The following DPP10 variants were observed in gnomAD, a reference collection of about 807,000 sequenced individuals.
DPP10 encodes dipeptidyl peptidase like 10, also known as inactive dipeptidyl peptidase 10.
A neutral mutation model predicts 120.9 loss-of-function variants in DPP10; 33 were observed. The observed-to-expected ratio is 0.27, with a 90% confidence interval of 0.21 to 0.37. The LOEUF is 0.37. Ranked by LOEUF, DPP10 falls within the 10% of genes least tolerant of loss-of-function variation. DPP10 has a pLI of 1.00. For missense variants in DPP10, 816 were observed against 942.8 expected, an observed-to-expected ratio of 0.87 and a Z score of 1.76; for synonymous variants, 337 against 326.1, an observed-to-expected ratio of 1.03 and a Z score of -0.36.
chr2:115,778,307 G>A (rs13393670), intron 15 of DPP10, among the ~76,000 whole-genome samples: 3,236 of 152,178 alleles, frequency 0.021, 114 homozygotes, highest in African/African-American at 0.069. Context: ...ATAAAACCCA[G>A]TGAGATTGTT....
chr2:114,919,710 C>A (rs1218849174), intron 1 of DPP10, among the ~76,000 whole-genome samples: 1 of 152,124 alleles, frequency 6.6e-6, no homozygotes, highest in East Asian at 1.9e-4. Flanking sequence ...TTTCACTGGT[C>A]TTCAATAACT....
At chr2:114,604,715 C>T (rs1310985542) in intron 1 of DPP10, among the ~76,000 whole-genome samples, 1 of 152,254 alleles carries the variant, frequency 6.6e-6, no homozygotes. Flanking sequence ...GTTTGGATGA[C>T]TTCTGCACTG....
intron 1 of DPP10, among the ~76,000 whole-genome samples, chr2:114,849,001 C>CT (rs1186070453): frequency 6.6e-6 from 1 of 152,124 alleles, no homozygotes; most frequent in Non-Finnish European, 1.5e-5. Context: ...TCTGGGGCCT[C>CT]TTTTATAAGG....
intron 2 of DPP10, among the ~76,000 whole-genome samples, chr2:115,343,184 A>G (rs940432819): frequency 1.3e-5 from 2 of 152,230 alleles, no homozygotes; most frequent in African/African-American, 4.8e-5. Flanking sequence ...TTTGGAATGT[A>G]GAAAGAGGAA....
At chr2:114,983,760 T>A (rs1330375270) in intron 1 of DPP10, among the ~76,000 whole-genome samples, 1 of 152,204 alleles carries the variant, frequency 6.6e-6, no homozygotes, top group Non-Finnish European at 1.5e-5. Flanking sequence ...AAGCACTTTT[T>A]AAATTGTCTC....
intron 3 of DPP10, among the ~76,000 whole-genome samples, chr2:115,422,445 A>G (rs573240166): frequency 1.3e-5 from 2 of 152,308 alleles, no homozygotes; most frequent in Admixed American, 6.5e-5. Context: ...TGTGACAAGA[A>G]CATGCATCAT....
At chr2:115,133,113 GTA>G (rs1341189980) in intron 1 of DPP10, among the ~76,000 whole-genome samples, 42 of 69,052 alleles carry the variant, frequency 6.1e-4, no homozygotes, top group Non-Finnish European at 1.2e-3. Context: ...ATATGTATAT[GTA>G]TGTGTGTGTG....
chr2:115,561,215 C>T (rs917357992), intron 5 of DPP10, among the ~76,000 whole-genome samples: 14 of 151,678 alleles, frequency 9.2e-5, no homozygotes, highest in East Asian at 1.9e-4. Context: ...AAAAATTAGC[C>T]GGGCTTGGTG....
chr2:115,329,868 G>C (rs1422554790), intron 2 of DPP10, among the ~76,000 whole-genome samples: 1 of 152,154 alleles, frequency 6.6e-6, no homozygotes, highest in Admixed American at 6.6e-5. Context: ...CCAAGTCTTT[G>C]CTATTGTGAA....
chr2:115,211,143 A>G (rs1002286361), intron 1 of DPP10, among the ~76,000 whole-genome samples: 17 of 152,010 alleles, frequency 1.1e-4, no homozygotes, highest in Non-Finnish European at 2.2e-4. Flanking sequence ...AAAATATTTA[A>G]TTATTATTTT....
chr2:114,530,238 T>A (rs545078448), intron 1 of DPP10, among the ~76,000 whole-genome samples: 1 of 152,316 alleles, frequency 6.6e-6, no homozygotes, highest in South Asian at 2.1e-4. Context: ...TGTGGAAGGA[T>A]GTTCTGTGCC....
At chr2:115,804,062 G>A (rs1026559106) in intron 19 of DPP10, among the ~76,000 whole-genome samples, 2 of 152,100 alleles carry the variant, frequency 1.3e-5, no homozygotes, top group Non-Finnish European at 2.9e-5. Context: ...TCACTTTCAG[G>A]TACACCAATC....
At position 114,871,245 on chromosome 2, in the gene DPP10, ATTG is replaced by A. The variant is rs768400376; in HGVS notation, c.60+428408_60+428410del. 5.5e-3 allele frequency among the ~76,000 whole-genome samples: 464 copies of A among 83,786 alleles called. 54 individuals carry two copies. The highest frequency in any genetic ancestry group is 0.047 in the East Asian group (43 of 924). The allele number at this position is 83,786 out of a possible 152,430, so 55.0% of individuals were successfully genotyped here. ...GGAAAAAAATCCATCTTTCTCTATT[ATTG>A]GGGGAAAGAACACTGAAGAAACAAG... On this transcript the variant is annotated intron_variant, in intron 1 of 25. Transcript: ENST00000410059.
intron 1 of DPP10, among the ~76,000 whole-genome samples, chr2:115,235,773 C>A (rs866286584): frequency 2.5e-4 from 38 of 152,152 alleles, no homozygotes; most frequent in African/African-American, 8.4e-4. Flanking sequence ...GTTAGCCAGG[C>A]TGATCTCGAA....
At chr2:114,454,208 G>A (rs1181362607) in intron 1 of DPP10, among the ~76,000 whole-genome samples, 1 of 152,122 alleles carries the variant, frequency 6.6e-6, no homozygotes, top group Non-Finnish European at 1.5e-5. Context: ...GGTGCTATAT[G>A]TGAAAGTACT....
At position 114,944,019 on chromosome 2, in the gene DPP10, C is replaced by CT. The variant is rs147394035; in HGVS notation, c.61-365214dup. On this transcript the variant is annotated intron_variant, in intron 1 of 25. Transcript: ENST00000410059. ...TAATTTAGTTAGCTTGGTTTTTTAT[C>CT]TTTTTTGCTATCATAATATAATTCT... 7.4e-3 allele frequency among the ~76,000 whole-genome samples: 1,122 copies of CT among 152,134 alleles called. 16 individuals carry two copies. Among genetic ancestry groups the CT allele is most frequent in the African/African-American group, 0.025 (1,053 of 41,526 alleles).
intron 3 of DPP10, chr2:115,467,945 C>A: frequency 4.5e-6 from 1 of 224,120 alleles, no homozygotes; most frequent in East Asian, 1.2e-4. Context: ...TAAAGAGAAT[C>A]ATGAAGATTA....
intron 3 of DPP10, among the ~76,000 whole-genome samples, chr2:115,382,370 G>C (rs553226398): frequency 7.9e-5 from 12 of 152,308 alleles, no homozygotes; most frequent in African/African-American, 2.6e-4. Flanking sequence ...GGAACTCCCT[G>C]ACCCCTTGCA....
chr2:115,091,143 C>T (rs772478310), intron 1 of DPP10, among the ~76,000 whole-genome samples: 3 of 152,152 alleles, frequency 2.0e-5, no homozygotes, highest in Non-Finnish European at 4.4e-5. Flanking sequence ...CCAACCATCT[C>T]CCTGTGCTAA....
Sources: gnomAD v4.1 joint callset for allele counts (sites outside exome capture counted in the v4.1 genomes callset) on GRCh38, gnomAD v4.1.1 for gene constraint, MANE v1.5 for transcripts, NCBI Gene and HGNC (gene_info 2026-07-23, HGNC 2026-07-21) for gene names.